Variants in OR51B5 observed in about 807,000 individuals in gnomAD.
The protein encoded by OR51B5 is olfactory receptor family 51 subfamily B member 5, also known as olfactory receptor 51B5.
For missense variants in OR51B5, 456 were observed against 374.6 expected (o/e 1.22, Z -1.79); for synonymous variants, 186 against 144.8 (o/e 1.28, Z -2.04).
intron 1 of OR51B5, among the ~76,000 whole-genome samples, chr11:5,449,971 T>TAC (rs956903684): frequency 1.3e-5 from 2 of 152,194 alleles, no homozygotes; most frequent in Admixed American, 1.3e-4. Flanking sequence ...CTCCAGCCTC[T>TAC]ACCTTCTTTC....
intron 1 of OR51B5, among the ~76,000 whole-genome samples, chr11:5,409,037 T>A (rs1183745050): frequency 6.6e-6 from 1 of 152,164 alleles, no homozygotes; most frequent in Non-Finnish European, 1.5e-5. Flanking sequence ...TAACCTTTTT[T>A]AAAAGGGATG....
exon 1 of OR51B5, chr11:5,342,810 A>G: frequency 6.2e-7 from 1 of 1,613,460 alleles, no homozygotes; most frequent in Non-Finnish European, 8.5e-7. Context: ...TGGGAGACAC[A>G]GGTAATGAGA....
At chr11:5,434,925 T>C (rs1286807526) in intron 1 of OR51B5, among the ~76,000 whole-genome samples, 2 of 151,850 alleles carry the variant, frequency 1.3e-5, no homozygotes, top group Non-Finnish European at 2.9e-5. Context: ...ATGAGAAAAA[T>C]GGGAAGATGC....
At chr11:5,505,249 G>A (rs1846354578) in intron 1 of OR51B5, 1 of 1,188,640 alleles carries the variant, frequency 8.4e-7, no homozygotes, top group Non-Finnish European at 1.1e-6. Context: ...ATTGCTATTA[G>A]GTTTTTTGTT....
rs1037682870 is a variant in OR51B5 at position 5,362,679 on chromosome 11, T to C, written n.85-15769A>G. 12 of 209,860 alleles carry C rather than the reference T, an allele frequency of 5.7e-5. No homozygotes were observed. In the South Asian group the frequency reaches 6.5e-4, roughly 11 times the overall value. The allele number at this position is 209,860 out of a possible 1,614,324, so 13.0% of individuals were successfully genotyped here. A position where few individuals can be genotyped will look rare whatever the true frequency, so the allele number is the denominator to read the frequency against. ...AACCCAGCTGTCTTCCCCCATCTGA[T>C]TGTAGAGCTTTTGGCCATCGACATG... is the stretch of plus-strand genomic sequence containing the variant. On this transcript the variant is annotated intron_variant and non_coding_transcript_variant, in intron 1 of 4. Coordinates refer to the OR51B5 transcript ENST00000415970.
At chr11:5,413,439 T>A (rs1050714129) in intron 1 of OR51B5, among the ~76,000 whole-genome samples, 9 of 152,186 alleles carry the variant, frequency 5.9e-5, no homozygotes, top group African/African-American at 2.2e-4. Context: ...GGACAGAGAA[T>A]GACTTTGATG....
chr11:5,377,231 G>T (rs1464364914), intron 1 of OR51B5, among the ~76,000 whole-genome samples: 5 of 152,222 alleles, frequency 3.3e-5, no homozygotes, highest in Non-Finnish European at 7.4e-5. Context: ...CTCAATAGAT[G>T]CAGAAAAGGC....
At position 5,494,521 on chromosome 11, in the gene OR51B5, G is replaced by A. The variant is rs566688297; in HGVS notation, n.84+11048C>T. 2.0e-5 allele frequency among the ~76,000 whole-genome samples: 3 copies of A among 152,204 alleles called. No homozygotes were observed. In the South Asian group the frequency reaches 6.2e-4, roughly 32 times the overall value. On this transcript the variant is annotated intron_variant and non_coding_transcript_variant, in intron 1 of 4. Coordinates refer to the OR51B5 transcript ENST00000415970. ...TGACATCTTCTGAATATTTTACGTC[G>A]TGTATATATTCCTTTTAGAGTTATA...
At position 5,342,835 on chromosome 11, in the gene OR51B5, C is replaced by T. The variant is rs747449913; in HGVS notation, c.690G>A (p.Glu230=). ...AGGTAATGAGAGCCTTGGCCCTCTC[C>T]TCTCTGGAGGCAATGCTCAGGACAG... is the stretch of plus-strand genomic sequence containing the variant. The change falls in exon 1 of 1, where the codon GAG becomes GAA. Residue 230 remains glutamate, a synonymous_variant. Transcript: ENST00000300773. 4 of 1,612,966 alleles carry T rather than the reference C, an allele frequency of 2.5e-6. No individual in the cohort carries two copies. The African/African-American group carries it at 4.0e-5, about 16-fold the overall frequency.
chr11:5,381,211 C>T (rs113920235), intron 1 of OR51B5, among the ~76,000 whole-genome samples: 3,200 of 144,622 alleles, frequency 0.022, 112 homozygotes, highest in African/African-American at 0.074. Context: ...CAATGAAAAC[C>T]ATTTGCACAT....
rs77961929 is a variant in OR51B5 at position 5,500,224 on chromosome 11, C to G, written n.84+5345G>C. 7.0e-3 allele frequency among the ~76,000 whole-genome samples: 1,070 copies of G among 152,314 alleles called. 11 individuals carry two copies. Among genetic ancestry groups the G allele is most frequent in the African/African-American group, 0.025 (1,021 of 41,566 alleles). The stretch of plus-strand genomic sequence containing the variant: ...TTTGCTCTTGCAGTAGTAAACCCAA[C>G]TGAAAGCTACTTGAAACCGTTCTAA... On this transcript the variant is annotated intron_variant and non_coding_transcript_variant, in intron 1 of 4. Coordinates refer to the OR51B5 transcript ENST00000415970.
At chr11:5,395,586 G>T (rs1227686444) in intron 1 of OR51B5, among the ~76,000 whole-genome samples, 1 of 152,108 alleles carries the variant, frequency 6.6e-6, no homozygotes, top group Non-Finnish European at 1.5e-5. Flanking sequence ...TGGCAGGCAA[G>T]GAAACATAAT....
chr11:5,388,872 T>G (rs565464785), intron 1 of OR51B5, among the ~76,000 whole-genome samples: 5 of 151,990 alleles, frequency 3.3e-5, no homozygotes, highest in Non-Finnish European at 7.4e-5. Flanking sequence ...CCCTAGGACT[T>G]GGTGATTGGT....
chr11:5,379,202 A>G (rs1849573499), intron 1 of OR51B5, among the ~76,000 whole-genome samples: 1 of 152,048 alleles, frequency 6.6e-6, no homozygotes, highest in Non-Finnish European at 1.5e-5. Context: ...TCAGTAAACT[A>G]TCGCAAGGAC....
intron 1 of OR51B5, among the ~76,000 whole-genome samples, chr11:5,421,443 A>T (rs905696083): frequency 2.6e-5 from 4 of 152,238 alleles, no homozygotes; most frequent in Non-Finnish European, 4.4e-5. Flanking sequence ...CGAGTTATCC[A>T]CTTAAAGCAG....
At chr11:5,485,854 C>G (rs4910566) in intron 1 of OR51B5, among the ~76,000 whole-genome samples, 17,785 of 152,102 alleles carry the variant, frequency 0.12, 1,250 homozygotes, top group Admixed American at 0.17. Flanking sequence ...ATGTCAAGGT[C>G]TTAATTAACC....
intron 1 of OR51B5, chr11:5,402,890 A>G (rs535310045): frequency 2.7e-4 from 127 of 471,334 alleles, no homozygotes; most frequent in African/African-American, 2.3e-3. Context: ...TTAGTCTTGA[A>G]GCTTGTCTTT....
chr11:5,477,440 C>T (rs1219313116), intron 1 of OR51B5, among the ~76,000 whole-genome samples: 1 of 152,128 alleles, frequency 6.6e-6, no homozygotes, highest in African/African-American at 2.4e-5. Context: ...TGCCTGCATT[C>T]ATCTCAAAAT....
Position 5,423,039 on chromosome 11 carries a change from A to G in OR51B5, n.85-76129T>C, listed in dbSNP as rs150799476. The G allele has an allele frequency of 2.4e-5, 39 of 1,613,986 alleles. No homozygotes were observed. Among genetic ancestry groups the G allele is most frequent in the East Asian group, 1.1e-4 (5 of 44,882 alleles). ...CCACTGGTCCATGTTATCATGGCCA[A>G]TATCTACCTGCTGGCACCCCCGGTG... On this transcript the variant is annotated intron_variant and non_coding_transcript_variant, in intron 1 of 4. Transcript: ENST00000415970.
Sources: gnomAD v4.1 joint callset for allele counts (sites outside exome capture counted in the v4.1 genomes callset) on GRCh38, gnomAD v4.1.1 for gene constraint, MANE v1.5 for transcripts, NCBI Gene and HGNC (gene_info 2026-07-23, HGNC 2026-07-21) for gene names.